PM20D1: variants seen among roughly 807,000 people sequenced by gnomAD.
The protein encoded by PM20D1 is peptidase M20 domain containing 1.
Under a neutral mutation model 53.8 loss-of-function variants are expected in PM20D1, and 53 were observed. The ratio of observed to expected loss-of-function variants is 0.98; its 90% confidence interval spans 0.79 to 1.24. PM20D1 has a LOEUF of 1.24. PM20D1 is among the 50% of genes most tolerant of loss of function. PM20D1 has a pLI of 0.00. For missense variants in PM20D1, 564 were observed against 616.8 expected, an observed-to-expected ratio of 0.91 and a Z score of 0.91; for synonymous variants, 239 against 241.3, an observed-to-expected ratio of 0.99 and a Z score of 0.09.
chr1:205,844,794 A>AGGT lies in PM20D1; in HGVS notation c.576+14_576+16dup. ...TCAACAGAGGACAGAGATAGGTATA[A>AGGT]GGTGAGGAGGCTCTACCTCCTCATC... is the stretch of plus-strand genomic sequence containing the variant. On this transcript the variant is annotated intron_variant, in intron 4 of 12. Coordinates refer to ENST00000367136, the MANE Select transcript of PM20D1 (RefSeq NM_152491.5). The AGGT allele has an allele frequency of 6.2e-7, 1 of 1,603,162 alleles. No homozygotes were observed. Among genetic ancestry groups the AGGT allele is most frequent in the Non-Finnish European group, 8.5e-7 (1 of 1,170,380 alleles).
At chr1:205,843,154 A>T (rs2102529305) in intron 6 of PM20D1, among the ~76,000 whole-genome samples, 1 of 152,162 alleles carries the variant, frequency 6.6e-6, no homozygotes, top group South Asian at 2.1e-4. Context: ...ATAGCCAGCA[A>T]CTCTTATTTA....
chr1:205,841,083 G>T (rs1656794723), intron 9 of PM20D1, among the ~76,000 whole-genome samples: 1 of 152,168 alleles, frequency 6.6e-6, no homozygotes, highest in Non-Finnish European at 1.5e-5. Flanking sequence ...AGCCAGTCAG[G>T]CAGTAATTGC....
chr1:205,842,105 G>A, intron 8 of PM20D1, 49 bp downstream of exon 8: 4 of 1,545,386 alleles, frequency 2.6e-6, no homozygotes, highest in Non-Finnish European at 3.6e-6. Flanking sequence ...CCTGGGGGGT[G>A]GGTAGGTTTG....
In PM20D1 at chr1:205,842,699, C is replaced by T. The variant is rs768676525; in HGVS notation, c.880G>A (p.Val294Ile). Residue 294 changes from valine (V) to isoleucine (I), a missense_variant, in exon 7 of 13, where the codon GTA (valine) becomes ATA (isoleucine). Transcript: ENST00000367136. ...ACCTCATTTGCCAGTTGCTGCAATA[C>T]AGTCACCACTGTCCCGCTTCCAAAT... Reference protein sequence around the residue: ...IIFGSGTVVTVLQQLANEFPF... With the variant: ...IIFGSGTVVTILQQLANEFPF... The T allele has an allele frequency of 4.3e-6, 7 of 1,614,092 alleles. No homozygotes were observed. Among genetic ancestry groups the T allele is most frequent in the Non-Finnish European group, 4.2e-6 (5 of 1,180,026 alleles).
intron 5 of PM20D1, 135 bp from the exon 6 acceptor site, chr1:205,843,921 G>A: frequency 6.8e-7 from 1 of 1,469,832 alleles, no homozygotes; most frequent in Non-Finnish European, 9.2e-7. Flanking sequence ...TTTTATACTG[G>A]AGGAAGAATG....
In PM20D1 at chr1:205,832,886, T is replaced by C. The variant is rs1267687518; in HGVS notation, c.1117-120A>G. 4.3e-6 allele frequency: 5 copies of C among 1,166,414 alleles called. No individual in the cohort carries two copies. In the African/African-American group the frequency reaches 4.8e-5, roughly 11 times the overall value. The allele number at this position is 1,166,414 out of a possible 1,614,324, so 72.3% of individuals were successfully genotyped here. A position where few individuals can be genotyped will look rare whatever the true frequency, so the allele number is the denominator to read the frequency against. On this transcript the variant is annotated intron_variant, in intron 10 of 12. Coordinates refer to ENST00000367136, the MANE Select transcript of PM20D1 (RefSeq NM_152491.5). ...GAGCCTCAGGGTTTACAGACAGGAC[T>C]TATTTTTTTTAAGCACTGGGACTTC... is the stretch of plus-strand genomic sequence containing the variant.
intron 10 of PM20D1, among the ~76,000 whole-genome samples, chr1:205,838,787 A>G (rs548214146): frequency 3.3e-5 from 5 of 152,320 alleles, no homozygotes; most frequent in African/African-American, 1.2e-4. Context: ...AGTCAAAGGC[A>G]TTAACTACTT....
intron 11 of PM20D1, 150 bp downstream of exon 11, chr1:205,832,448 A>G: frequency 1.2e-6 from 1 of 803,110 alleles, no homozygotes; most frequent in African/African-American, 1.8e-5. Flanking sequence ...TTCCACTCTG[A>G]AGGGAAAATA....
intron 10 of PM20D1, among the ~76,000 whole-genome samples, chr1:205,834,657 T>C (rs1268703466): frequency 6.6e-6 from 1 of 152,220 alleles, no homozygotes; most frequent in Non-Finnish European, 1.5e-5. Flanking sequence ...AATATCCTAA[T>C]ACAAGAATTA....
chr1:205,846,804 C>T (rs1211491646), intron 2 of PM20D1, among the ~76,000 whole-genome samples: 1 of 151,948 alleles, frequency 6.6e-6, no homozygotes, highest in African/African-American at 2.4e-5. Context: ...TTCACATAAA[C>T]TTCTGTGGAT....
At chr1:205,844,778 G>T in intron 4 of PM20D1, 33 bp downstream of exon 4, 1 of 1,593,776 alleles carries the variant, frequency 6.3e-7, no homozygotes. Context: ...CTCAACAGAG[G>T]ACAGAGATAG....
In PM20D1 at chr1:205,847,871, GA is replaced by G. The variant is rs1168682046; in HGVS notation, c.256+13del. 1 of 1,493,756 alleles carries G rather than the reference GA, an allele frequency of 6.7e-7. No individual in the cohort carries two copies. Among genetic ancestry groups the G allele is most frequent in the African/African-American group, 1.4e-5 (1 of 72,156 alleles). 92.5% of individuals were successfully genotyped at this position (1,493,756 alleles called of 1,614,324 possible). ...TTTCTACCACCCACCCCTTGCCCCT[GA>G]TTTGCAGCTGACCTTTATGAATGTA... On this transcript the variant is annotated intron_variant, in intron 2 of 12. Coordinates refer to ENST00000367136, the MANE Select transcript of PM20D1 (RefSeq NM_152491.5).
intron 9 of PM20D1, among the ~76,000 whole-genome samples, chr1:205,840,843 A>T (rs1305744359): frequency 1.3e-5 from 2 of 152,166 alleles, no homozygotes. Flanking sequence ...GCAGGAACAA[A>T]AGAGTGACAG....
chr1:205,842,072 C>T (rs1261549642), intron 8 of PM20D1, 82 bp downstream of exon 8: 1 of 1,409,072 alleles, frequency 7.1e-7, no homozygotes, highest in South Asian at 1.2e-5. Context: ...ATTAGTCAGG[C>T]CCAGTTAAGC....
chr1:205,842,319 C>T (rs1656831096), intron 7 of PM20D1, 104 bp from the exon 8 acceptor site: 4 of 1,028,120 alleles, frequency 3.9e-6, no homozygotes, highest in South Asian at 1.3e-5. Flanking sequence ...GGGCCCTTAG[C>T]AGTCAGGAGT....
chr1:205,841,414 C>T (rs750175205), intron 9 of PM20D1, among the ~76,000 whole-genome samples: 4 of 152,082 alleles, frequency 2.6e-5, no homozygotes, highest in Non-Finnish European at 5.9e-5. Context: ...GATGGAGTAA[C>T]AAAGTATCCT....
Position 205,844,801 on chromosome 1 carries a change from G to A in PM20D1, c.576+10C>T, listed in dbSNP as rs1247424601. On this transcript the variant is annotated intron_variant, in intron 4 of 12. Transcript: ENST00000367136. ...AGGACAGAGATAGGTATAAGGTGAGGAGGCTCTACCTCCTCATCATGGCCC... is the reference window on the plus strand; with the variant it reads ...AGGACAGAGATAGGTATAAGGTGAGAAGGCTCTACCTCCTCATCATGGCCC... 2.5e-6 allele frequency: 4 copies of A among 1,611,396 alleles called. No individual in the cohort carries two copies. Among genetic ancestry groups the A allele is most frequent in the South Asian group, 2.2e-5 (2 of 91,012 alleles).
At chr1:205,848,030 C>T (rs1489026390) in intron 1 of PM20D1, 59 bp from the exon 2 acceptor site, 1 of 1,530,710 alleles carries the variant, frequency 6.5e-7, no homozygotes, top group African/African-American at 1.4e-5. Context: ...TTTTTTTCTA[C>T]AGTCCTCTGT....
chr1:205,848,597 C>G (rs1303861249), intron 1 of PM20D1, among the ~76,000 whole-genome samples: 2 of 152,204 alleles, frequency 1.3e-5, no homozygotes, highest in East Asian at 1.9e-4. Flanking sequence ...TGAACCTTCA[C>G]TGGGCTCATC....
Sources: gnomAD v4.1 joint callset for allele counts (sites outside exome capture counted in the v4.1 genomes callset) on GRCh38, gnomAD v4.1.1 for gene constraint, MANE v1.5 for transcripts, NCBI Gene and HGNC (gene_info 2026-07-23, HGNC 2026-07-21) for gene names.